PLS3: variants seen among roughly 807,000 people sequenced by gnomAD.
PLS3 encodes the protein plastin-3.
PLS3 carries 11 observed loss-of-function variants against 46.5 expected under a neutral mutation model. That is an observed-to-expected ratio of 0.24 (90% CI 0.15 to 0.39). PLS3 has a LOEUF of 0.39. PLS3 is among the 10% of genes least tolerant of loss of function. The pLI is 1.00. For missense variants in PLS3, 308 were observed against 461.8 expected (o/e 0.67, Z 3.05); for synonymous variants, 167 against 162.2 (o/e 1.03, Z -0.22).
intron 5 of PLS3, among the ~76,000 whole-genome samples, chrX:115,630,712 T>C (rs868916104): frequency 8.2e-5 from 8 of 97,048 alleles, no homozygotes; most frequent in Admixed American, 5.0e-4. Context: ...TGTATATATA[T>C]ACATATATAA....
In PLS3 at chrX:115,636,964, A is replaced by G. The variant is rs369914417; in HGVS notation, c.877A>G (p.Ser293Gly). ...NSGWQKINNFSADIKDSKAYF... is the reference protein window; with the variant it reads ...NSGWQKINNFGADIKDSKAYF... ...GGGCTGGCAAAAAATTAACAACTTTAGTGCTGACATCAAGGTAACTGTTGA... is the reference window on the plus strand; with the variant it reads ...GGGCTGGCAAAAAATTAACAACTTTGGTGCTGACATCAAGGTAACTGTTGA... The change falls in exon 8 of 16, where the codon AGT becomes GGT. Residue 293 changes from serine to glycine, a missense_variant. Transcript: ENST00000355899. 3 of 1,209,393 alleles carry G rather than the reference A, an allele frequency of 2.5e-6. No homozygotes were observed. Among genetic ancestry groups the G allele is most frequent in the Non-Finnish European group, 2.2e-6 (2 of 894,048 alleles).
chrX:115,647,724 A>G (rs371349745), intron 14 of PLS3, 51 bp downstream of exon 14: 9 of 1,153,847 alleles, frequency 7.8e-6, no homozygotes, highest in Non-Finnish European at 1.1e-5. Context: ...GATAACATCT[A>G]TCATTTGGGA....
At chrX:115,589,115 C>T (rs2074328798) in intron 1 of PLS3, among the ~76,000 whole-genome samples, 2 of 110,531 alleles carry the variant, frequency 1.8e-5, no homozygotes, top group African/African-American at 6.6e-5. Flanking sequence ...CTACAGGCGA[C>T]AGCCACCATG....
intron 1 of PLS3, among the ~76,000 whole-genome samples, chrX:115,597,744 GT>G (rs1403045290): frequency 9.0e-6 from 1 of 111,480 alleles, no homozygotes; most frequent in African/African-American, 3.3e-5. Flanking sequence ...CCAGATTTAT[GT>G]TCCATCAGCC....
At chrX:115,634,405 A>AT (rs1179815219) in intron 6 of PLS3, among the ~76,000 whole-genome samples, 16 of 110,870 alleles carry the variant, frequency 1.4e-4, no homozygotes, top group South Asian at 3.8e-4. Context: ...GAAATGGAGC[A>AT]TTTTTTTTTC....
intron 9 of PLS3, among the ~76,000 whole-genome samples, chrX:115,641,225 C>CTTTTTTT (rs35431475): frequency 4.9e-5 from 4 of 82,381 alleles, no homozygotes; most frequent in Non-Finnish European, 6.8e-5. Flanking sequence ...TCTTCTCTTT[C>CTTTTTTT]TTTTTTTTTT....
intron 1 of PLS3, among the ~76,000 whole-genome samples, chrX:115,582,126 T>C (rs2074282649): frequency 8.9e-6 from 1 of 112,463 alleles, no homozygotes; most frequent in South Asian, 3.7e-4. Context: ...GAAAGACTTT[T>C]AAAAGCTCAT....
intron 10 of PLS3, among the ~76,000 whole-genome samples, chrX:115,643,795 A>AC (rs1233855391): frequency 9.0e-6 from 1 of 111,091 alleles, no homozygotes; most frequent in Non-Finnish European, 1.9e-5. Context: ...ACATGGTGAA[A>AC]CCCCGTCTCT....
chrX:115,574,429 C>T (rs1289761658), intron 1 of PLS3, among the ~76,000 whole-genome samples: 15 of 111,638 alleles, frequency 1.3e-4, no homozygotes, highest in Non-Finnish European at 2.8e-4. Context: ...TTTATTTTTC[C>T]TTTAGGTTTT....
chrX:115,582,241 G>A (rs1248772920), intron 1 of PLS3, among the ~76,000 whole-genome samples: 1 of 112,153 alleles, frequency 8.9e-6, no homozygotes, highest in Non-Finnish European at 1.9e-5. Context: ...AGCTGGGAGA[G>A]GGAAGAGGTT....
rs781849281 is a variant in PLS3 at position 115,614,261 on chromosome X, G to T, written c.73+3938G>T. On this transcript the variant is annotated intron_variant, in intron 2 of 15. Transcript: ENST00000355899. Reference sequence around the variant, plus strand: ...TGGGATTACAGACGTGAGCCACCGCGCCTGGCCTACACACATGTATTTTTA... The same window carrying T: ...TGGGATTACAGACGTGAGCCACCGCTCCTGGCCTACACACATGTATTTTTA... The T allele has an allele frequency of 2.3e-4, 171 of 733,458 alleles. No individual in the cohort carries two copies. In the African/African-American group the frequency reaches 3.9e-3, roughly 17 times the overall value. The allele number at this position is 733,458 out of a possible 1,213,427, so 60.4% of individuals were successfully genotyped here.
chrX:115,590,430 G>A (rs1298655487), intron 1 of PLS3, among the ~76,000 whole-genome samples: 1 of 110,650 alleles, frequency 9.0e-6, no homozygotes, highest in Non-Finnish European at 1.9e-5. Flanking sequence ...GCTCCCCACC[G>A]CCCCCGTCAC....
chrX:115,647,980 G>A lies in PLS3; in HGVS notation c.1723G>A (p.Gly575Ser). Residue 575 changes from glycine (G) to serine (S), a missense_variant, in exon 15 of 16, where the codon GGC becomes AGC. Coordinates refer to ENST00000355899, the MANE Select transcript of PLS3 (RefSeq NM_005032.7). ...TATAAACTATGACCTTGTGAAGAGT[G>A]GCAATCTAACAGAAGATGACAAGCA... ...GCINYDLVKS[G>S]NLTEDDKHNN... The A allele has an allele frequency of 8.3e-7, 1 of 1,208,324 alleles. No homozygotes were observed. The highest frequency in any genetic ancestry group is 1.1e-6 in the Non-Finnish European group (1 of 892,841).
intron 7 of PLS3, among the ~76,000 whole-genome samples, chrX:115,636,270 G>A (rs782768299): frequency 1.7e-4 from 17 of 100,010 alleles, no homozygotes; most frequent in South Asian, 1.6e-3. Context: ...GCAGTGGTGC[G>A]ATCTTAGCTC....
chrX:115,585,464 C>A (rs1172872645), intron 1 of PLS3, among the ~76,000 whole-genome samples: 1 of 110,865 alleles, frequency 9.0e-6, no homozygotes, highest in East Asian at 2.8e-4. Flanking sequence ...AATCTCAGCT[C>A]ACTGCAAGCT....
At chrX:115,584,311 G>A (rs1603222744) in intron 1 of PLS3, among the ~76,000 whole-genome samples, 1 of 111,776 alleles carries the variant, frequency 8.9e-6, no homozygotes, top group South Asian at 3.7e-4. Context: ...TGTTCTATAA[G>A]CTGAAAATAG....
In PLS3 at chrX:115,589,124, T is replaced by C. The variant is rs10081864; in HGVS notation, c.-8-21119T>C. On this transcript the variant is annotated intron_variant, in intron 1 of 15. Coordinates refer to ENST00000355899, the MANE Select transcript of PLS3 (RefSeq NM_005032.7). ...CTGGGACTACAGGCGACAGCCACCA[T>C]GCCCAGCTAATTTTTTTGTATTTTT... Among the ~76,000 whole-genome samples, 752 of 110,463 alleles carry C rather than the reference T, an allele frequency of 6.8e-3. 9 individuals are homozygous for C. The highest frequency in any genetic ancestry group is 0.023 in the African/African-American group (706 of 30,354).
At position 115,643,499 on chromosome X, in the gene PLS3, C is replaced by G. The variant is rs1184953484; in HGVS notation, c.1174C>G (p.Leu392Val). ...AGAGAACCAGGATATTGACTGGACT[C>G]TATTAGAAGGTAACTAAAAACCTCA... Reference protein sequence around the residue: ...KPENQDIDWTLLEGETREERT... With the variant: ...KPENQDIDWTVLEGETREERT... Residue 392 changes from leucine to valine, a missense_variant, in exon 10 of 16, where the codon CTA (leucine) becomes GTA (valine). Physicochemically the swap from Leu to Val is conservative, Grantham distance 32 (BLOSUM62 1). Around this residue, in one of 2 missense-constraint regions of PLS3, gnomAD observed 271 missense variants for 435.7 expected, o/e 0.62. Coordinates refer to ENST00000355899, the MANE Select transcript of PLS3 (RefSeq NM_005032.7). 1.0e-5 allele frequency: 12 copies of G among 1,149,502 alleles called. No individual in the cohort carries two copies. The highest frequency in any genetic ancestry group is 5.4e-5 in the African/African-American group (3 of 55,952). The allele number at this position is 1,149,502 out of a possible 1,213,427, so 94.7% of individuals were successfully genotyped here.
At chrX:115,636,703 T>C (rs924230969) in intron 7 of PLS3, 133 bp from the exon 8 acceptor site, 1 of 460,972 alleles carries the variant, frequency 2.2e-6, no homozygotes, top group Non-Finnish European at 3.7e-6. Context: ...ATTATGAGTA[T>C]CTTGAAACTA....
Sources: allele counts gnomAD v4.1 joint callset (sites outside exome capture counted in the v4.1 genomes callset), GRCh38; gene constraint gnomAD v4.1.1; regional missense constraint gnomAD v4.1.1; transcripts MANE v1.5; gene names NCBI Gene and HGNC (gene_info 2026-07-23, HGNC 2026-07-21).